TG: variants seen among roughly 807,000 people sequenced by gnomAD.
TG encodes the protein thyroglobulin.
TG carries 270 observed loss-of-function variants against 324.7 expected under a neutral mutation model. The ratio of observed to expected loss-of-function variants is 0.83; its 90% CI spans 0.75 to 0.92. The LOEUF is 0.92. TG is among the 40% of genes least tolerant of loss of function. The pLI, the probability that TG is intolerant of heterozygous loss-of-function variation, is 0.00. For synonymous variants in TG, 1,401 were observed against 1,327.0 expected (o/e 1.06, Z -1.21); for missense variants, 3,591 against 3,456.4 (o/e 1.04, Z -0.98).
At chr8:133,006,589 GA>G (rs144903871) in intron 35 of TG, among the ~76,000 whole-genome samples, 1,906 of 152,302 alleles carry the variant, frequency 0.013, 45 homozygotes, top group African/African-American at 0.044. Flanking sequence ...ATACATGATT[GA>G]AAGAACAAAT....
chr8:132,993,139 A>G (rs556264913), intron 35 of TG, among the ~76,000 whole-genome samples: 22 of 152,246 alleles, frequency 1.4e-4, no homozygotes, highest in Non-Finnish European at 1.9e-4. Flanking sequence ...TAGATGCTCA[A>G]TATTATTTTA....
At chr8:132,983,590 T>G in intron 35 of TG, 178 bp downstream of exon 35, 1 of 672,906 alleles carries the variant, frequency 1.5e-6, no homozygotes, top group African/African-American at 1.8e-5. Flanking sequence ...ATGCCCACTT[T>G]GCAGATGAGA....
Position 132,908,196 on chromosome 8 carries a change from G to A in TG, c.3858G>A (p.Leu1286=). The stretch of plus-strand genomic sequence containing the variant: ...GGTGCTTGCCTGCAGGGCCCCAGCT[G>A]TGGCAGACCATCCAGACCCAAGGGC... ...PQPRACQRPQ[L]WQTIQTQGHF... Residue 1286 remains leucine (L), a synonymous_variant, in exon 18 of 48, where the codon CTG becomes CTA. Coordinates refer to ENST00000220616, the MANE Select transcript of TG (RefSeq NM_003235.5). 1 of 1,614,012 alleles carries A rather than the reference G, an allele frequency of 6.2e-7. No individual in the cohort carries two copies. Among genetic ancestry groups the A allele is most frequent in the Non-Finnish European group, 8.5e-7 (1 of 1,180,012 alleles).
chr8:132,870,592 A>G (rs1272091290), intron 3 of TG, among the ~76,000 whole-genome samples: 1 of 151,982 alleles, frequency 6.6e-6, no homozygotes, highest in Non-Finnish European at 1.5e-5. Context: ...TTGTGTTGTT[A>G]TAAAGAAATG....
chr8:132,880,620 T>C (rs1251333302), intron 5 of TG, among the ~76,000 whole-genome samples: 1 of 152,220 alleles, frequency 6.6e-6, no homozygotes, highest in African/African-American at 2.4e-5. Flanking sequence ...TTTCTAGCTT[T>C]TGTTTTGCAT....
chr8:132,973,027 A>T (rs916761894), intron 34 of TG, among the ~76,000 whole-genome samples: 5 of 152,192 alleles, frequency 3.3e-5, no homozygotes, highest in East Asian at 3.9e-4. Context: ...GTGTGCCATG[A>T]TCATCATTAA....
intron 5 of TG, among the ~76,000 whole-genome samples, chr8:132,878,821 C>A (rs1814235950): frequency 6.6e-6 from 1 of 152,116 alleles, no homozygotes; most frequent in Non-Finnish European, 1.5e-5. Flanking sequence ...CTTCACTCCT[C>A]TGTTATCTCC....
At chr8:133,107,743 C>T (rs548844083) in intron 43 of TG, among the ~76,000 whole-genome samples, 1 of 152,294 alleles carries the variant, frequency 6.6e-6, no homozygotes, top group South Asian at 2.1e-4. Flanking sequence ...GTGTCAGATC[C>T]CCATAAAATG....
At chr8:132,919,595 A>T in intron 21 of TG, 70 bp downstream of exon 21, 1 of 1,591,492 alleles carries the variant, frequency 6.3e-7, no homozygotes, top group South Asian at 1.1e-5. Flanking sequence ...GGGTTTCCCA[A>T]TCTCTGCACT....
At chr8:133,027,478 G>A (rs1564087721) in intron 40 of TG, among the ~76,000 whole-genome samples, 1 of 152,094 alleles carries the variant, frequency 6.6e-6, no homozygotes, top group Non-Finnish European at 1.5e-5. Flanking sequence ...TGGGGCCTGA[G>A]GATGAGAAGA....
At chr8:132,907,871 A>C (rs1818915132) in intron 17 of TG, among the ~76,000 whole-genome samples, 1 of 152,010 alleles carries the variant, frequency 6.6e-6, no homozygotes, top group Non-Finnish European at 1.5e-5. Context: ...AACCTGAAAA[A>C]CCATACAGAG....
chr8:133,067,924 AG>A (rs1843337623), intron 41 of TG, among the ~76,000 whole-genome samples: 1 of 143,760 alleles, frequency 7.0e-6, no homozygotes, highest in Non-Finnish European at 1.6e-5. Flanking sequence ...GGAAAGAGAG[AG>A]AGAGAGAAAG....
intron 41 of TG, chr8:133,047,888 C>T (rs1839748072): frequency 1.2e-6 from 2 of 1,613,270 alleles, no homozygotes; most frequent in Non-Finnish European, 1.7e-6. Flanking sequence ...CTGGCAGCTG[C>T]AGCAGCTCCT....
At chr8:133,001,661 C>T (rs1833513048) in intron 35 of TG, 2 of 775,124 alleles carry the variant, frequency 2.6e-6, no homozygotes, top group African/African-American at 3.8e-5. Context: ...AATGTTGTCT[C>T]CGTCCGATGA....
chr8:132,893,329 G>T (rs1362248953), intron 10 of TG, among the ~76,000 whole-genome samples: 1 of 136,414 alleles, frequency 7.3e-6, no homozygotes, highest in Non-Finnish European at 1.6e-5. Context: ...TGTGCATACT[G>T]TGTGTATGGT....
intron 41 of TG, among the ~76,000 whole-genome samples, chr8:133,043,334 C>T (rs751250562): frequency 6.8e-4 from 104 of 152,292 alleles, no homozygotes; most frequent in Middle Eastern, 3.4e-3. Flanking sequence ...AACTTATGGT[C>T]TCCACACCCC....
rs1286496966 is a variant in TG at position 132,869,730 on chromosome 8, A to G, written c.178A>G (p.Thr60Ala). ...PQCAEDGSFQTVQCQNDGRSC... is the reference protein window; with the variant it reads ...PQCAEDGSFQAVQCQNDGRSC... ...ACCTGGTCTGTGTCTCCTCCTCAGG[A>G]CTGTCCAGTGCCAGAACGACGGCCG... Residue 60 changes from threonine to alanine, a missense_variant and splice_region_variant, in exon 3 of 48, where the codon ACT becomes GCT. By Grantham distance (58) the Thr-to-Ala change is moderately conservative. Transcript: ENST00000220616. 1.2e-6 allele frequency: 2 copies of G among 1,614,130 alleles called. No homozygotes were observed. The highest frequency in any genetic ancestry group is 8.5e-7 in the Non-Finnish European group (1 of 1,179,992).
chr8:133,010,472 A>G (rs1834406931), intron 35 of TG, among the ~76,000 whole-genome samples: 3 of 152,182 alleles, frequency 2.0e-5, no homozygotes, highest in Admixed American at 2.0e-4. Flanking sequence ...AGAAAACACA[A>G]AAGCAAGCAA....
At chr8:132,948,210 T>G (rs1463452148) in intron 26 of TG, among the ~76,000 whole-genome samples, 1 of 152,064 alleles carries the variant, frequency 6.6e-6, no homozygotes, top group Non-Finnish European at 1.5e-5. Flanking sequence ...TTACTTTGAA[T>G]CTAAGTACTC....
Sources: gnomAD v4.1 joint callset for allele counts (sites outside exome capture counted in the v4.1 genomes callset) on GRCh38, gnomAD v4.1.1 for gene constraint, MANE v1.5 for transcripts, NCBI Gene and HGNC (gene_info 2026-07-23, HGNC 2026-07-21) for gene names.